The following ZNF251 variants were observed in gnomAD, a reference collection of about 807,000 sequenced individuals.
ZNF251 encodes the protein zinc finger protein 251.
ZNF251 carries 14 observed loss-of-function variants against 13.5 expected under a neutral mutation model. That is an observed-to-expected ratio of 1.04 (90% CI 0.69 to 1.63). The LOEUF (loss-of-function observed/expected upper bound fraction) is 1.63. Ranked by LOEUF, ZNF251 falls within the 40% of genes most tolerant of loss-of-function variation. The pLI is 0.00. For synonymous variants in ZNF251, 287 were observed against 295.2 expected, an observed-to-expected ratio of 0.97 and a Z score of 0.28; for missense variants, 764 against 834.9, an observed-to-expected ratio of 0.92 and a Z score of 1.05.
intron 4 of ZNF251, among the ~76,000 whole-genome samples, chr8:144,736,148 G>A (rs565059614): frequency 7.9e-5 from 12 of 152,262 alleles, no homozygotes; most frequent in African/African-American, 2.4e-4. Context: ...TCACGCAGCC[G>A]CATTTCTGAA....
At chr8:144,738,650 A>C in intron 4 of ZNF251, 1 of 985,436 alleles carries the variant, frequency 1.0e-6, no homozygotes, top group Non-Finnish European at 1.2e-6. Context: ...ATTTAGACTC[A>C]GTCAGGCAAG....
At chr8:144,744,232 G>A (rs960715851) in intron 4 of ZNF251, among the ~76,000 whole-genome samples, 4 of 152,012 alleles carry the variant, frequency 2.6e-5, no homozygotes, top group South Asian at 4.2e-4. Context: ...GGCTGGTCTC[G>A]AACTCCTGAC....
At chr8:144,752,363 G>A (rs1005218069) in intron 4 of ZNF251, among the ~76,000 whole-genome samples, 1 of 152,012 alleles carries the variant, frequency 6.6e-6, no homozygotes, top group African/African-American at 2.4e-5. Flanking sequence ...TGACCACAGT[G>A]GAATTAAATG....
chr8:144,750,246 T>C (rs1456954493), intron 4 of ZNF251, among the ~76,000 whole-genome samples: 1 of 152,230 alleles, frequency 6.6e-6, no homozygotes, highest in Non-Finnish European at 1.5e-5. Flanking sequence ...GTAGACATGA[T>C]ACACTGGGTA....
intron 4 of ZNF251, chr8:144,730,215 A>T: frequency 1.6e-6 from 1 of 641,866 alleles, no homozygotes; most frequent in Non-Finnish European, 1.9e-6. Context: ...CAGAGCGCCA[A>T]TCCCTGGACT....
In ZNF251 at chr8:144,721,997, G is replaced by C. The variant is rs200819625; in HGVS notation, c.1663C>G (p.Leu555Val). 11 of 1,585,726 alleles carry C rather than the reference G, an allele frequency of 6.9e-6. No individual in the cohort carries two copies. The highest frequency in any genetic ancestry group is 1.2e-5 in the South Asian group (1 of 86,444). Residue 555 changes from leucine (L) to valine (V), a missense_variant, in exon 5 of 5, where the codon CTG (leucine) becomes GTG (valine). By Grantham distance (32) the Leu-to-Val change is conservative. Transcript: ENST00000292562. ...RAFNHGANLI[L>V]RWTVHTGEKS... Reference sequence around the variant, plus strand: ...TCACCAGTGTGAACTGTCCAGCGCAGAATGAGATTTGCACCATGGTTAAAG... The same window carrying C: ...TCACCAGTGTGAACTGTCCAGCGCACAATGAGATTTGCACCATGGTTAAAG...
At chr8:144,732,705 G>A (rs577148584) in intron 4 of ZNF251, among the ~76,000 whole-genome samples, 4 of 152,074 alleles carry the variant, frequency 2.6e-5, no homozygotes, top group South Asian at 2.1e-4. Context: ...CCAGCTACTT[G>A]GGAGGCTGAG....
intron 4 of ZNF251, among the ~76,000 whole-genome samples, chr8:144,742,799 C>T (rs935687805): frequency 6.6e-6 from 1 of 152,134 alleles, no homozygotes; most frequent in Non-Finnish European, 1.5e-5. Flanking sequence ...GGGATTGGGT[C>T]CGAGACCCCC....
At position 144,722,765 on chromosome 8, in the gene ZNF251, C is replaced by T. The variant is rs1823408946; in HGVS notation, c.895G>A (p.Gly299Arg). 3 of 1,613,978 alleles carry T rather than the reference C, an allele frequency of 1.9e-6. 1 individual carries two copies. The South Asian group carries it at 3.3e-5, about 18-fold the overall frequency. The change falls in exon 5 of 5, where the codon GGG becomes AGG. Residue 299 changes from glycine (G) to arginine (R), a missense_variant. Coordinates refer to ENST00000292562, the MANE Select transcript of ZNF251 (RefSeq NM_138367.2). The surrounding 1 kb of genome is among the most constrained non-coding windows in gnomAD (Gnocchi z 4.8). ...GTTGAGCTTCGACTGAAAGCCTTCC[C>T]ACACTCACCACAGCCAAAGGGTTTT... ...GEKPFGCGEC[G>R]KAFSRSSTLI...
At position 144,722,486 on chromosome 8, in the gene ZNF251, G is replaced by C. The variant is rs751120063; in HGVS notation, c.1174C>G (p.Leu392Val). ...CGKAFSQSSS[L>V]FLHHRVHTGE... is the part of the protein sequence containing the mutation. ...GTATGAACCCGATGATGGAGGAAAA[G>C]GCTTGAGCTCTGACTGAAGGCCTTC... The change falls in exon 5 of 5, where the codon CTT becomes GTT. Residue 392 changes from leucine to valine, a missense_variant. By Grantham distance (32) the Leu-to-Val change is conservative (BLOSUM62 1). Coordinates refer to ENST00000292562, the MANE Select transcript of ZNF251 (RefSeq NM_138367.2). The surrounding 1 kb of genome is among the most constrained non-coding windows in gnomAD (Gnocchi z 4.8). 22 of 1,613,822 alleles carry C rather than the reference G, an allele frequency of 1.4e-5. No homozygotes were observed. The East Asian group carries it at 4.9e-4, about 36-fold the overall frequency.
At chr8:144,723,797 A>T (rs1375876129) in intron 4 of ZNF251, among the ~76,000 whole-genome samples, 1 of 152,212 alleles carries the variant, frequency 6.6e-6, no homozygotes, top group Non-Finnish European at 1.5e-5. Flanking sequence ...TAAATGTGTT[A>T]TTGGCCCCAA....
chr8:144,740,293 A>G (rs763701926), intron 4 of ZNF251, among the ~76,000 whole-genome samples: 66 of 152,022 alleles, frequency 4.3e-4, no homozygotes, highest in East Asian at 7.8e-4. Context: ...CTCAAAAATA[A>G]TAACAACAGA....
At chr8:144,729,089 GAAAA>G (rs770516433) in intron 4 of ZNF251, among the ~76,000 whole-genome samples, 4 of 91,616 alleles carry the variant, frequency 4.4e-5, no homozygotes, top group Non-Finnish European at 8.5e-5. Flanking sequence ...TCCATCTATG[GAAAA>G]AAAAAAAAAA....
intron 4 of ZNF251, among the ~76,000 whole-genome samples, chr8:144,752,765 G>A (rs1262837811): frequency 6.6e-6 from 1 of 152,140 alleles, no homozygotes; most frequent in East Asian, 1.9e-4. Flanking sequence ...GGAGATATAA[G>A]CCAGTAACAA....
At position 144,722,616 on chromosome 8, in the gene ZNF251, C is replaced by T. The variant is rs370691553; in HGVS notation, c.1044G>A (p.Pro348=). The T allele has an allele frequency of 1.7e-5, 28 of 1,612,470 alleles. No homozygotes were observed. In the African/African-American group the frequency reaches 2.0e-4, roughly 12 times the overall value. ...QHQRIHTGEK[P]HECSHCGKAF... is the part of the protein sequence containing the mutation. ...CCTTCCCACAGTGACTGCATTCATG[C>T]GGCTTCTCTCCAGTGTGAATTCTCT... Residue 348 remains proline (P), a synonymous_variant, in exon 5 of 5, where the codon CCG becomes CCA. Transcript: ENST00000292562. This position sits in a 1 kb window ranked among gnomAD's most constrained non-coding sequence, Gnocchi z 4.8.
intron 4 of ZNF251, among the ~76,000 whole-genome samples, chr8:144,752,962 A>C (rs1824764556): frequency 6.6e-6 from 1 of 152,130 alleles, no homozygotes; most frequent in Non-Finnish European, 1.5e-5. Context: ...TGTATATTCA[A>C]TAGAACAAAG....
intron 4 of ZNF251, among the ~76,000 whole-genome samples, chr8:144,732,578 C>G (rs541811334): frequency 6.7e-5 from 10 of 150,240 alleles, no homozygotes; most frequent in South Asian, 2.1e-4. Flanking sequence ...TTGGGGAGGC[C>G]AAGGCGGGGG....
At position 144,737,863 on chromosome 8, in the gene ZNF251, G is replaced by C. The variant is rs180897631; in HGVS notation, c.278-14481C>G. Among the ~76,000 whole-genome samples, 1,265 of 139,086 alleles carry C rather than the reference G, an allele frequency of 9.1e-3. 26 individuals are homozygous for C. Among genetic ancestry groups the C allele is most frequent in the African/African-American group, 0.033 (1,181 of 36,312 alleles). 91.2% of individuals were successfully genotyped at this position (139,086 alleles called of 152,430 possible). A position where few individuals can be genotyped will look rare whatever the true frequency, so the allele number is the denominator to read the frequency against. On this transcript the variant is annotated intron_variant, in intron 4 of 4. Transcript: ENST00000292562. ...AAAAAAAAAAAAAAAAAAAAAAAAA[G>C]GGTTATGCTATCACCCCACATAAAA...
At chr8:144,739,599 GGTGTGACCACT>G (rs1824065400) in intron 4 of ZNF251, among the ~76,000 whole-genome samples, 1 of 152,208 alleles carries the variant, frequency 6.6e-6, no homozygotes, top group South Asian at 2.1e-4. Flanking sequence ...CGGAATTACA[GGTGTGACCACT>G]GTGCCCGGAA....
Sources: allele counts gnomAD v4.1 joint callset (sites outside exome capture counted in the v4.1 genomes callset), GRCh38; gene constraint gnomAD v4.1.1; non-coding constraint Gnocchi (gnomAD v3.1); transcripts MANE v1.5; gene names NCBI Gene and HGNC (gene_info 2026-07-23, HGNC 2026-07-21).